Variants in PBX3 observed in about 807,000 individuals in gnomAD.
The protein encoded by PBX3 is PBX homeobox 3.
In PBX3, 14 loss-of-function variants were observed where a neutral mutation model predicts 48.5. The ratio of observed to expected loss-of-function variants is 0.29; its 90% CI spans 0.19 to 0.45. The LOEUF (loss-of-function observed/expected upper bound fraction) is 0.45. Ranked by LOEUF, PBX3 falls within the 20% of genes least tolerant of loss-of-function variation. The pLI, the probability that PBX3 is intolerant of heterozygous loss-of-function variation, is 1.00. For missense variants in PBX3, 386 were observed against 546.7 expected (o/e 0.71, Z 2.93); for synonymous variants, 210 against 200.3 (o/e 1.05, Z -0.41).
At chr9:125,778,694 ACACAGCCCGTGTCTCCCCCTGC>A (rs1440204815) in intron 2 of PBX3, among the ~76,000 whole-genome samples, 1 of 148,616 alleles carries the variant, frequency 6.7e-6, no homozygotes, top group Non-Finnish European at 1.5e-5. Context: ...CCTTGTGTAG[ACACAGCCCGTGTCTCCCCCTGC>A]TCTTTGCCCG....
At chr9:125,773,033 A>T (rs570046104) in intron 2 of PBX3, among the ~76,000 whole-genome samples, 1 of 152,356 alleles carries the variant, frequency 6.6e-6, no homozygotes, top group South Asian at 2.1e-4. Context: ...TTGAGGCTTC[A>T]GTTCTGTGCG....
chr9:125,748,189 G>C (rs1836256438), intron 1 of PBX3: 1 of 977,548 alleles, frequency 1.0e-6, no homozygotes, highest in Non-Finnish European at 1.2e-6. Context: ...GGCCGCAGTC[G>C]GCCGGCCTCC....
intron 1 of PBX3, chr9:125,748,092 T>G: frequency 3.4e-6 from 1 of 297,320 alleles, no homozygotes; most frequent in Non-Finnish European, 5.0e-6. Flanking sequence ...CGATGGGCGG[T>G]TCCCTGGCGG....
chr9:125,772,175 A>G (rs1447108960), intron 2 of PBX3, among the ~76,000 whole-genome samples: 3 of 152,236 alleles, frequency 2.0e-5, no homozygotes, highest in Non-Finnish European at 2.9e-5. Context: ...TCTCAAGCAC[A>G]CTAAAATGCT....
At position 125,915,658 on chromosome 9, in the gene PBX3, CTCTG is replaced by C. The variant is rs1250713127; in HGVS notation, c.275-24_275-21del. On this transcript the variant is annotated intron_variant, in intron 2 of 8. Coordinates refer to ENST00000373489, the MANE Select transcript of PBX3 (RefSeq NM_006195.6). The stretch of plus-strand genomic sequence containing the variant: ...GTCCTCTGTTTCTCGCTTCTTCTCT[CTCTG>C]TCTCTCTCTCTCTTTCCTTGAAGGT... 5.8e-6 allele frequency: 9 copies of C among 1,562,156 alleles called. No individual in the cohort carries two copies. In the African/African-American group the frequency reaches 8.2e-5, roughly 14 times the overall value.
At chr9:125,849,436 A>C (rs1309628615) in intron 2 of PBX3, among the ~76,000 whole-genome samples, 1 of 151,958 alleles carries the variant, frequency 6.6e-6, no homozygotes, top group East Asian at 1.9e-4. Context: ...TAATGTTCCA[A>C]AGTGACTTGA....
At chr9:125,802,262 C>T (rs1399009997) in intron 2 of PBX3, among the ~76,000 whole-genome samples, 1 of 151,778 alleles carries the variant, frequency 6.6e-6, no homozygotes, top group African/African-American at 2.4e-5. Context: ...CCCCTGTCCC[C>T]ACCCACCCCT....
intron 2 of PBX3, among the ~76,000 whole-genome samples, chr9:125,906,940 G>A (rs1464601294): frequency 6.6e-6 from 1 of 151,998 alleles, no homozygotes. Context: ...AGGAAGAAGA[G>A]TCCTTATTTC....
rs558503329 is a variant in PBX3 at position 125,965,610 on chromosome 9, G to A, written c.1213-221G>A. Among the ~76,000 whole-genome samples, 12 of 152,270 alleles carry A rather than the reference G, an allele frequency of 7.9e-5. No homozygotes were observed. The South Asian group carries it at 1.2e-3, about 16-fold the overall frequency. On this transcript the variant is annotated intron_variant, in intron 8 of 8. Coordinates refer to ENST00000373489, the MANE Select transcript of PBX3 (RefSeq NM_006195.6). The stretch of plus-strand genomic sequence containing the variant: ...ATGGGCCTCGCTGAAGCCCTTCTTC[G>A]GCGTGTTGATTTATTGCCAAGACTT...
intron 2 of PBX3, among the ~76,000 whole-genome samples, chr9:125,757,296 A>G (rs917924295): frequency 1.3e-5 from 2 of 151,940 alleles, no homozygotes; most frequent in South Asian, 2.1e-4. Context: ...AAAAAAAACT[A>G]CAGGTGAAGG....
intron 2 of PBX3, among the ~76,000 whole-genome samples, chr9:125,813,165 A>G (rs12554865): frequency 0.51 from 76,959 of 151,964 alleles, 21,422 homozygotes; most frequent in South Asian, 0.63. Context: ...TTAGCTTAAA[A>G]CACATTGTAC....
At chr9:125,751,917 CT>C (rs61653077) in intron 2 of PBX3, among the ~76,000 whole-genome samples, 3,048 of 152,128 alleles carry the variant, frequency 0.02, 170 homozygotes, top group East Asian at 0.17. Flanking sequence ...CCTGAAAAAT[CT>C]TGTCTTCTTT....
chr9:125,856,552 A>G (rs1203940059), intron 2 of PBX3, among the ~76,000 whole-genome samples: 1 of 152,260 alleles, frequency 6.6e-6, no homozygotes, highest in Non-Finnish European at 1.5e-5. Flanking sequence ...GACGTGTGGC[A>G]GTAGTAATTT....
At chr9:125,944,542 C>T (rs933681168) in intron 5 of PBX3, among the ~76,000 whole-genome samples, 3 of 152,156 alleles carry the variant, frequency 2.0e-5, no homozygotes, top group African/African-American at 7.2e-5. Context: ...AAGAAGCACA[C>T]AGGCACAAAT....
At chr9:125,786,905 A>G (rs1837471601) in intron 2 of PBX3, among the ~76,000 whole-genome samples, 1 of 151,836 alleles carries the variant, frequency 6.6e-6, no homozygotes, top group Non-Finnish European at 1.5e-5. Context: ...TTGTATTTTT[A>G]GTAGAGTCGG....
intron 2 of PBX3, among the ~76,000 whole-genome samples, chr9:125,786,722 T>C (rs1040329176): frequency 2.6e-5 from 4 of 151,212 alleles, no homozygotes; most frequent in African/African-American, 7.4e-5. Flanking sequence ...GGTAAGTATG[T>C]AGAGATTTTT....
In PBX3 at chr9:125,748,340, G is replaced by T. The variant is rs1315841775; in HGVS notation, c.201-210G>T. 1.0e-5 allele frequency: 13 copies of T among 1,276,074 alleles called. No individual in the cohort carries two copies. The East Asian group carries it at 4.5e-4, about 44-fold the overall frequency. 79.0% of individuals were successfully genotyped at this position (1,276,074 alleles called of 1,614,324 possible). A position where few individuals can be genotyped will look rare whatever the true frequency, so the allele number is the denominator to read the frequency against. On this transcript the variant is annotated intron_variant, in intron 1 of 8. Transcript: ENST00000373489. ...GAGGCTGCTGCCTGCCGGGCAGATGGGTCCGCCTTGTTCCGGCTGCAGCTT... is the reference window on the plus strand; with the variant it reads ...GAGGCTGCTGCCTGCCGGGCAGATGTGTCCGCCTTGTTCCGGCTGCAGCTT...
At chr9:125,910,726 TG>T (rs1564169199) in intron 2 of PBX3, among the ~76,000 whole-genome samples, 1 of 150,796 alleles carries the variant, frequency 6.6e-6, no homozygotes, top group Non-Finnish European at 1.5e-5. Flanking sequence ...TGGAGTGGGA[TG>T]GGCTTTGGGG....
intron 5 of PBX3, among the ~76,000 whole-genome samples, chr9:125,959,185 T>A (rs572146857): frequency 4.6e-5 from 7 of 152,350 alleles, no homozygotes; most frequent in Non-Finnish European, 7.3e-5. Context: ...AAATGATAGT[T>A]ATTAGAGCTA....
Sources: gnomAD v4.1 joint callset for allele counts (sites outside exome capture counted in the v4.1 genomes callset) on GRCh38, gnomAD v4.1.1 for gene constraint, MANE v1.5 for transcripts, NCBI Gene and HGNC (gene_info 2026-07-23, HGNC 2026-07-21) for gene names.